Variants in KCNT1 observed in about 807,000 individuals in gnomAD.
The protein encoded by KCNT1 is potassium sodium-activated channel subfamily T member 1, also known as potassium channel subfamily T member 1.
KCNT1 carries 78 observed loss-of-function variants against 147.8 expected under a neutral mutation model. That is an observed-to-expected ratio of 0.53 (90% CI 0.44 to 0.64). KCNT1 has a LOEUF of 0.64. Among genes scored for constraint, KCNT1 ranks in the 30% least tolerant of loss-of-function variants. KCNT1 has a pLI of 0.00. For synonymous variants in KCNT1, 867 were observed against 748.8 expected, an observed-to-expected ratio of 1.16 and a Z score of -2.58; for missense variants, 1,419 against 1,750.3, an observed-to-expected ratio of 0.81 and a Z score of 3.38.
chr9:135,716,723 G>T (rs1308171597), intron 2 of KCNT1, among the ~76,000 whole-genome samples: 1 of 152,170 alleles, frequency 6.6e-6, no homozygotes, highest in Non-Finnish European at 1.5e-5. Flanking sequence ...GGACGTGTGT[G>T]GCTGTGTGTG....
chr9:135,732,124 T>G (rs1230563939), intron 2 of KCNT1, among the ~76,000 whole-genome samples: 2 of 148,746 alleles, frequency 1.3e-5, no homozygotes, highest in Non-Finnish European at 3.0e-5. Flanking sequence ...AGGTTCGAGA[T>G]TCTCCTGCCT....
Position 135,772,804 on chromosome 9 carries a change from G to C in KCNT1, c.2098G>C (p.Glu700Gln), listed in dbSNP as rs1554775570. Residue 700 changes from glutamate to glutamine, a missense_variant, in exon 19 of 31, where the codon GAG (glutamate) becomes CAG (glutamine). Transcript: ENST00000371757. ...GGGCAGCAAGCTGGCACTGCCCACG[G>C]AGAACGGCTCGGGCAGCCGGCGGCC... Reference protein sequence around the residue: ...GGGSKLALPTENGSGSRRPSI... With the variant: ...GGGSKLALPTQNGSGSRRPSI... The C allele has an allele frequency of 6.6e-7, 1 of 1,516,884 alleles. No homozygotes were observed. Among genetic ancestry groups the C allele is most frequent in the Non-Finnish European group, 8.9e-7 (1 of 1,129,652 alleles). 94.0% of individuals were successfully genotyped at this position (1,516,884 alleles called of 1,614,324 possible).
In KCNT1 at chr9:135,786,189, CTG is replaced by C; in HGVS notation, c.3178-7_3178-6del. 1.9e-6 allele frequency: 3 copies of C among 1,607,424 alleles called. No individual in the cohort carries two copies. The highest frequency in any genetic ancestry group is 2.5e-6 in the Non-Finnish European group (3 of 1,177,788). On this transcript the variant is annotated splice_region_variant and splice_polypyrimidine_tract_variant and intron_variant, in intron 28 of 30. Transcript: ENST00000371757. The stretch of plus-strand genomic sequence containing the variant: ...CCTCCCCGCCCTGCCCTGCCCTGCC[CTG>C]CCCAGTCCCAGATCTCGGTGAACGT...
In KCNT1 at chr9:135,781,980, A is replaced by G. The variant is rs538393969; in HGVS notation, c.2842-2044A>G. Among the ~76,000 whole-genome samples, 8 of 152,310 alleles carry G rather than the reference A, an allele frequency of 5.3e-5. No individual in the cohort carries two copies. The East Asian group carries it at 1.4e-3, about 26-fold the overall frequency. On this transcript the variant is annotated intron_variant, in intron 24 of 30. Transcript: ENST00000371757. ...TGTAATCCCAGCACTTTGGGAGGCTAAGGCGGACGGATCACCTGAGGTCAG... is the reference window on the plus strand; with the variant it reads ...TGTAATCCCAGCACTTTGGGAGGCTGAGGCGGACGGATCACCTGAGGTCAG...
intron 1 of KCNT1, among the ~76,000 whole-genome samples, chr9:135,707,753 G>A (rs755388894): frequency 3.3e-5 from 5 of 152,176 alleles, no homozygotes; most frequent in East Asian, 3.9e-4. Flanking sequence ...CCACAGCCTC[G>A]CCTGGGGCCC....
chr9:135,746,682 T>G (rs1046152525), intron 2 of KCNT1, among the ~76,000 whole-genome samples: 3 of 151,988 alleles, frequency 2.0e-5, no homozygotes, highest in Admixed American at 6.6e-5. Context: ...CAGGAGCTCC[T>G]TGGAGGCCTA....
chr9:135,789,627 T>G (rs1170705012), intron 29 of KCNT1: 1 of 151,404 alleles, frequency 6.6e-6, no homozygotes, highest in African/African-American at 2.4e-5. Context: ...CAGGCGGGAG[T>G]GACCGTGGAT....
intron 27 of KCNT1, 93 bp downstream of exon 27, chr9:135,784,982 C>T (rs1275598173): frequency 2.6e-6 from 4 of 1,524,910 alleles, no homozygotes; most frequent in Non-Finnish European, 3.5e-6. Context: ...ACTGTGGCAG[C>T]CCCTGTCCTG....
chr9:135,768,050 A>G (rs765106425), intron 13 of KCNT1, among the ~76,000 whole-genome samples: 257 of 104,464 alleles, frequency 2.5e-3, no homozygotes, highest in Non-Finnish European at 5.0e-3. Context: ...GCACACGCTC[A>G]GGGGACAGGT....
At chr9:135,768,344 TGG>T (rs1304726006) in intron 13 of KCNT1, 378 of 25,592 alleles carry the variant, frequency 0.015, 5 homozygotes, top group African/African-American at 0.055. Context: ...TGATGTGGGT[TGG>T]GGGGGGGGGG....
chr9:135,775,241 AG>A (rs907537917), intron 19 of KCNT1, 68 bp from the exon 20 acceptor site: 10 of 1,245,036 alleles, frequency 8.0e-6, no homozygotes, highest in Admixed American at 4.5e-5. Context: ...CCCCAGCCCG[AG>A]GGGGGCCCCA....
intron 2 of KCNT1, among the ~76,000 whole-genome samples, chr9:135,726,761 C>T (rs1360310656): frequency 1.8e-5 from 2 of 109,798 alleles, no homozygotes; most frequent in African/African-American, 6.8e-5. Context: ...CCCTCTCTCC[C>T]TCTCTCTCTC....
At chr9:135,747,265 T>G (rs1830879298) in intron 2 of KCNT1, among the ~76,000 whole-genome samples, 1 of 146,386 alleles carries the variant, frequency 6.8e-6, no homozygotes, top group African/African-American at 2.5e-5. Flanking sequence ...GAGGAGAGGG[T>G]GGGAGGCAGT....
rs1831348803 is a variant in KCNT1, at chr9:135,754,142, C to A, written c.491+149C>A. 3 of 702,762 alleles carry A rather than the reference C, an allele frequency of 4.3e-6. No individual in the cohort carries two copies. The South Asian group carries it at 5.0e-5, about 12-fold the overall frequency. The allele number at this position is 702,762 out of a possible 1,614,324, so 43.5% of individuals were successfully genotyped here. The stretch of plus-strand genomic sequence containing the variant: ...GTGGGATGAGTCTCCACTCCAGCTC[C>A]CAGTAGCCAGGCGCTCAGAGGCCTG... On this transcript the variant is annotated intron_variant, in intron 5 of 30. Transcript: ENST00000371757.
At chr9:135,743,338 T>C (rs1219700409) in intron 2 of KCNT1, among the ~76,000 whole-genome samples, 1 of 152,126 alleles carries the variant, frequency 6.6e-6, no homozygotes, top group Non-Finnish European at 1.5e-5. Flanking sequence ...TGCGCACTCC[T>C]GGGAAGCCCC....
chr9:135,732,030 A>AGAGAGAGAGAG (rs1836500957), intron 2 of KCNT1, among the ~76,000 whole-genome samples: 1 of 134,372 alleles, frequency 7.4e-6, no homozygotes, highest in Non-Finnish European at 1.6e-5. Context: ...AGAGAGAGAG[A>AGAGAGAGAGAG]GAGAGAGAGA....
intron 13 of KCNT1, among the ~76,000 whole-genome samples, chr9:135,767,401 C>T (rs1476296101): frequency 2.0e-5 from 3 of 149,132 alleles, no homozygotes; most frequent in Non-Finnish European, 4.5e-5. Context: ...TGCCCTGGGG[C>T]AGAGGCGACA....
chr9:135,719,627 A>G lies in KCNT1; in HGVS notation c.254+4907A>G, dbSNP rs140339421. Among the ~76,000 whole-genome samples the G allele has an allele frequency of 3.3e-5, 5 of 152,288 alleles. No individual in the cohort carries two copies. In the East Asian group the frequency reaches 9.7e-4, roughly 29 times the overall value. ...ACTGGAGGCAACGTCAGGGTCGCCA[A>G]CACTCCCAGGCATTAAGCAGGACAT... On this transcript the variant is annotated intron_variant, in intron 2 of 30. Coordinates refer to ENST00000371757, the MANE Select transcript of KCNT1 (RefSeq NM_020822.3).
chr9:135,751,869 C>A (rs1831196874), intron 4 of KCNT1, among the ~76,000 whole-genome samples: 1 of 152,226 alleles, frequency 6.6e-6, no homozygotes. Flanking sequence ...CTCCCCTCTC[C>A]TGCCTCGTTC....
Sources: allele counts gnomAD v4.1 joint callset (sites outside exome capture counted in the v4.1 genomes callset), GRCh38; gene constraint gnomAD v4.1.1; transcripts MANE v1.5; gene names NCBI Gene and HGNC (gene_info 2026-07-23, HGNC 2026-07-21).